Variants in SELENBP1 observed in about 807,000 individuals in gnomAD.
SELENBP1 encodes selenium binding protein 1, also known as methanethiol oxidase.
A neutral mutation model predicts 61.0 loss-of-function variants in SELENBP1; 71 were observed. The ratio of observed to expected loss-of-function variants is 1.16; its 90% CI spans 0.96 to 1.42. The LOEUF is 1.42. Ranked by LOEUF, SELENBP1 falls within the 40% of genes most tolerant of loss-of-function variation. SELENBP1 has a pLI of 0.00. For synonymous variants in SELENBP1, 270 were observed against 238.9 expected, an observed-to-expected ratio of 1.13 and a Z score of -1.20; for missense variants, 561 against 605.0, an observed-to-expected ratio of 0.93 and a Z score of 0.76.
Position 151,365,176 on chromosome 1 carries a change from G to T in SELENBP1, c.1137+13C>A. The T allele has an allele frequency of 1.2e-6, 2 of 1,611,788 alleles. No individual in the cohort carries two copies. Among genetic ancestry groups the T allele is most frequent in the Non-Finnish European group, 1.7e-6 (2 of 1,178,156 alleles). On this transcript the variant is annotated intron_variant, in intron 10 of 11. Transcript: ENST00000368868. Reference sequence around the variant, plus strand: ...GTCTGAGGGGTCCAGCAAGTAGGGGGAGAGGCTCTTACCTTGACCACTAGG... The same window carrying T: ...GTCTGAGGGGTCCAGCAAGTAGGGGTAGAGGCTCTTACCTTGACCACTAGG...
chr1:151,366,075 A>C, intron 7 of SELENBP1, 200 bp downstream of exon 7: 1 of 760,582 alleles, frequency 1.3e-6, no homozygotes, highest in Non-Finnish European at 2.1e-6. Context: ...ACATTCACTA[A>C]GTAGTTTTTG....
At chr1:151,371,371 G>T (rs1322868222) in intron 1 of SELENBP1, among the ~76,000 whole-genome samples, 1 of 151,646 alleles carries the variant, frequency 6.6e-6, no homozygotes, top group African/African-American at 2.4e-5. Context: ...TCACGCCACT[G>T]CAGTCACTCC....
intron 1 of SELENBP1, among the ~76,000 whole-genome samples, chr1:151,370,615 G>T (rs1419088195): frequency 6.6e-6 from 1 of 152,252 alleles, no homozygotes; most frequent in Non-Finnish European, 1.5e-5. Context: ...CTAATCTCCA[G>T]GATGTAAGTC....
intron 1 of SELENBP1, among the ~76,000 whole-genome samples, chr1:151,372,243 G>A (rs186854289): frequency 7.9e-4 from 121 of 152,256 alleles, no homozygotes; most frequent in Non-Finnish European, 1.5e-3. Context: ...TCCCTACCTC[G>A]CTGGAGTACA....
chr1:151,364,795 G>T, intron 11 of SELENBP1, 90 bp from the exon 12 acceptor site: 1 of 1,508,564 alleles, frequency 6.6e-7, no homozygotes, highest in Non-Finnish European at 9.0e-7. Flanking sequence ...GAGGAAGGAG[G>T]AATGACCAGG....
At position 151,368,229 on chromosome 1, in the gene SELENBP1, AGCTGATCATCACTTCCCC is replaced by A. The variant is rs1557844749; in HGVS notation, c.433_450del (p.Gly145_Ser150del). 4.3e-6 allele frequency: 7 copies of A among 1,613,972 alleles called. No individual in the cohort carries two copies. The highest frequency in any genetic ancestry group is 3.3e-5 in the South Asian group (3 of 91,082). On this transcript the variant is annotated inframe_deletion, in exon 5 of 12. Transcript: ENST00000368868. ...CCATTGCCCTTGACGTCTCCCAGGG[AGCTGATCATCACTTCCCC>A]GCTGGCCAGGCAGTGGCTGGTGTGG...
intron 3 of SELENBP1, 75 bp from the exon 4 acceptor site, chr1:151,369,264 C>T: frequency 1.3e-6 from 2 of 1,554,214 alleles, no homozygotes; most frequent in African/African-American, 1.4e-5. Flanking sequence ...CCTGTGGACT[C>T]ATTTTGGTTT....
At chr1:151,368,451 G>A (rs529736516) in intron 4 of SELENBP1, 132 bp from the exon 5 acceptor site, 32 of 1,270,224 alleles carry the variant, frequency 2.5e-5, no homozygotes, top group Non-Finnish European at 2.8e-5. Context: ...AACTCTCCCT[G>A]TGGGAATATG....
chr1:151,368,631 G>A (rs1324705776), intron 4 of SELENBP1, among the ~76,000 whole-genome samples: 1 of 152,192 alleles, frequency 6.6e-6, no homozygotes, highest in Non-Finnish European at 1.5e-5. Flanking sequence ...TGTCAACTCT[G>A]TATTACCAGT....
At chr1:151,372,225 C>T (rs1451466075) in intron 1 of SELENBP1, among the ~76,000 whole-genome samples, 7 of 152,170 alleles carry the variant, frequency 4.6e-5, no homozygotes, top group Non-Finnish European at 1.0e-4. Flanking sequence ...CACAGAAAGG[C>T]TTTGGACTCC....
At chr1:151,369,388 A>T in intron 3 of SELENBP1, 54 bp downstream of exon 3, 1 of 1,531,048 alleles carries the variant, frequency 6.5e-7, no homozygotes, top group Admixed American at 1.9e-5. Flanking sequence ...GCCCAGGGCC[A>T]GGGATGAGGG....
rs747025944 is a variant in SELENBP1, at chr1:151,366,844, C to G, written c.542G>C (p.Gly181Ala). Residue 181 changes from glycine (G) to alanine (A), a missense_variant, in exon 6 of 12, where the codon GGG (glycine) becomes GCG (alanine). Gly to Ala is a moderately conservative substitution (Grantham distance 60, BLOSUM62 0). Transcript: ENST00000368868. ...GTCATAGCCCAACGGTGCAGCACCC[C>G]CAGGTCTCTCCCATGTCCCCTTCAC... Reference protein sequence around the residue: ...FEVKGTWERPGGAAPLGYDFW... With the variant: ...FEVKGTWERPAGAAPLGYDFW... 3 of 1,614,152 alleles carry G rather than the reference C, an allele frequency of 1.9e-6. No individual in the cohort carries two copies. The South Asian group carries it at 3.3e-5, about 18-fold the overall frequency.
At chr1:151,366,220 A>G (rs1367160873) in intron 7 of SELENBP1, 55 bp downstream of exon 7, 1 of 1,574,492 alleles carries the variant, frequency 6.4e-7, no homozygotes, top group African/African-American at 1.4e-5. Flanking sequence ...AAGCCTGCTT[A>G]GGTAGAGCTG....
intron 1 of SELENBP1, among the ~76,000 whole-genome samples, chr1:151,371,835 C>T (rs1652152579): frequency 6.6e-6 from 1 of 152,134 alleles, no homozygotes; most frequent in Admixed American, 6.5e-5. Flanking sequence ...CACTGCAGCC[C>T]CAGGGAGCAT....
At chr1:151,366,028 A>G (rs994310249) in intron 7 of SELENBP1, 182 bp from the exon 8 acceptor site, 1 of 734,002 alleles carries the variant, frequency 1.4e-6, no homozygotes, top group Non-Finnish European at 2.2e-6. Context: ...CTGCTTCACC[A>G]CTGCATTCCC....
chr1:151,367,479 T>TGTCGCCC (rs1651908278), intron 5 of SELENBP1: 1 of 29,060 alleles, frequency 3.4e-5, no homozygotes, highest in Non-Finnish European at 1.1e-4. Flanking sequence ...CCAGTGCCCC[T>TGTCGCCC]GTCTCCTGTC....
intron 7 of SELENBP1, 151 bp from the exon 8 acceptor site, chr1:151,365,997 C>T: frequency 1.2e-6 from 1 of 840,414 alleles, no homozygotes; most frequent in Non-Finnish European, 1.8e-6. Context: ...CCATGCAAGC[C>T]CCTTGAGGCA....
chr1:151,365,443 C>T lies in SELENBP1; in HGVS notation c.1044+120G>A, dbSNP rs146007727. The T allele has an allele frequency of 7.4e-4, 1,144 of 1,538,278 alleles. 10 individuals carry two copies. In the African/African-American group the frequency reaches 0.014, roughly 18 times the overall value. On this transcript the variant is annotated intron_variant, in intron 9 of 11. Transcript: ENST00000368868. ...TGGGCCTGTGCTGTCCCACAGCACA[C>T]ATGTCTGCTTTTCCTGCACCTCCCT...
chr1:151,372,520 A>T lies in SELENBP1; in HGVS notation c.4+118T>A, dbSNP rs562338383. On this transcript the variant is annotated intron_variant, in intron 1 of 11. Coordinates refer to ENST00000368868, the MANE Select transcript of SELENBP1 (RefSeq NM_003944.4). ...GTGCAGACTGGGGACAATGAAGCAG[A>T]GTCCACTACTCCCTCCCCAGCTCCC... 3.2e-6 allele frequency: 4 copies of T among 1,263,332 alleles called. No homozygotes were observed. The Admixed American group carries it at 6.8e-5, about 22-fold the overall frequency. 78.3% of individuals were successfully genotyped at this position (1,263,332 alleles called of 1,614,324 possible). A position where few individuals can be genotyped will look rare whatever the true frequency, so the allele number is the denominator to read the frequency against.
Sources: gnomAD v4.1 joint callset for allele counts (sites outside exome capture counted in the v4.1 genomes callset) on GRCh38, gnomAD v4.1.1 for gene constraint, MANE v1.5 for transcripts, NCBI Gene and HGNC (gene_info 2026-07-23, HGNC 2026-07-21) for gene names.